The following TDRD10 variants were observed in gnomAD, a reference collection of about 807,000 sequenced individuals.
TDRD10 encodes tudor domain-containing protein 10.
In TDRD10, 40 loss-of-function variants were observed where a neutral mutation model predicts 48.0. That is an observed-to-expected ratio of 0.83 (90% confidence interval 0.65 to 1.09). The LOEUF is 1.09. Ranked by LOEUF, TDRD10 falls within the 50% of genes least tolerant of loss-of-function variation. TDRD10 has a pLI of 0.00. For synonymous variants in TDRD10, 162 were observed against 170.4 expected (o/e 0.95, Z 0.38); for missense variants, 378 against 434.7 (o/e 0.87, Z 1.16).
At chr1:154,520,811 C>T (rs1467444000) in intron 5 of TDRD10, among the ~76,000 whole-genome samples, 1 of 151,074 alleles carries the variant, frequency 6.6e-6, no homozygotes, top group Non-Finnish European at 1.5e-5. Flanking sequence ...AGTCTCGGCT[C>T]ACTGCAACTT....
intron 6 of TDRD10, among the ~76,000 whole-genome samples, chr1:154,537,399 T>G (rs1435018191): frequency 1.3e-5 from 2 of 152,246 alleles, no homozygotes; most frequent in African/African-American, 4.8e-5. Context: ...GTCTTTCATC[T>G]TTGTCTTTTT....
At position 154,506,900 on chromosome 1, in the gene TDRD10, C is replaced by T. The variant is rs753817828; in HGVS notation, c.-4C>T. On this transcript the variant is annotated 5_prime_UTR_variant, in exon 2 of 13. Transcript: ENST00000368482. Reference sequence around the variant, plus strand: ...AGGAGATCCTGTTGGAAAGCAACTGCAGCATGTAAGTCCCTTCCTTTTGCT... The same window carrying T: ...AGGAGATCCTGTTGGAAAGCAACTGTAGCATGTAAGTCCCTTCCTTTTGCT... 2 of 1,614,182 alleles carry T rather than the reference C, an allele frequency of 1.2e-6. No individual in the cohort carries two copies. The highest frequency in any genetic ancestry group is 4.5e-5 in the East Asian group (2 of 44,884).
intron 4 of TDRD10, among the ~76,000 whole-genome samples, chr1:154,519,140 A>T (rs1239366974): frequency 6.6e-6 from 1 of 152,240 alleles, no homozygotes; most frequent in African/African-American, 2.4e-5. Flanking sequence ...GGAATAAAGG[A>T]TATGAAAGTG....
chr1:154,518,128 A>G (rs181109343), intron 4 of TDRD10, among the ~76,000 whole-genome samples: 2 of 152,290 alleles, frequency 1.3e-5, no homozygotes, highest in East Asian at 3.9e-4. Flanking sequence ...CCCTTAAACC[A>G]TGTGGTTGGC....
chr1:154,515,070 A>G (rs908754773), intron 4 of TDRD10, among the ~76,000 whole-genome samples: 5 of 151,652 alleles, frequency 3.3e-5, no homozygotes, highest in Admixed American at 6.6e-5. Flanking sequence ...GCTTCACCAT[A>G]TTGGCCATGC....
intron 4 of TDRD10, among the ~76,000 whole-genome samples, chr1:154,519,729 T>C (rs1462817896): frequency 1.4e-5 from 2 of 146,656 alleles, no homozygotes; most frequent in African/African-American, 5.0e-5. Context: ...CAGGGTGGCA[T>C]AGACCTTATC....
intron 4 of TDRD10, among the ~76,000 whole-genome samples, chr1:154,519,832 T>A (rs578185219): frequency 6.6e-6 from 1 of 151,890 alleles, no homozygotes; most frequent in African/African-American, 2.4e-5. Flanking sequence ...GAAGACGGCC[T>A]GAGGGCAGAC....
intron 6 of TDRD10, among the ~76,000 whole-genome samples, chr1:154,540,022 G>A (rs147387172): frequency 3.9e-5 from 6 of 152,286 alleles, no homozygotes; most frequent in Middle Eastern, 3.4e-3. Context: ...CTGGGAAGGG[G>A]CATCCATTGG....
rs762073055 is a variant in TDRD10 at position 154,547,434 on chromosome 1, C to A, written c.978C>A (p.Val326=). The stretch of plus-strand genomic sequence containing the variant: ...ACATTTTGAGTTCGTATGAGGTTGT[C>A]CATCGAATCCTCAAAGGGAAAATCA... The part of the protein sequence containing the change: ...EKDILSSYEV[V]HRILKGKITG... The change falls in exon 12 of 13, where the codon GTC becomes GTA. Residue 326 remains valine (V), a synonymous_variant. Coordinates refer to ENST00000368482, the MANE Select transcript of TDRD10 (RefSeq NM_182499.4). 3.1e-6 allele frequency: 5 copies of A among 1,614,086 alleles called. No homozygotes were observed. Among genetic ancestry groups the A allele is most frequent in the Non-Finnish European group, 4.2e-6 (5 of 1,180,052 alleles).
intron 3 of TDRD10, among the ~76,000 whole-genome samples, chr1:154,508,129 C>A (rs1693251169): frequency 6.6e-6 from 1 of 152,114 alleles, no homozygotes; most frequent in Non-Finnish European, 1.5e-5. Context: ...ATAAGTATTG[C>A]TGAATGATTG....
chr1:154,507,815 C>A (rs1398269866), intron 3 of TDRD10, among the ~76,000 whole-genome samples: 1 of 152,194 alleles, frequency 6.6e-6, no homozygotes, highest in African/African-American at 2.4e-5. Context: ...TGGCTATGAG[C>A]AATTTCCCAA....
intron 6 of TDRD10, among the ~76,000 whole-genome samples, chr1:154,538,056 G>T (rs1422803968): frequency 6.6e-6 from 1 of 152,178 alleles, no homozygotes; most frequent in East Asian, 1.9e-4. Flanking sequence ...GCCTGCTGTG[G>T]CTGTTGGATG....
At chr1:154,547,628 TGGCTCGGGTG>T (rs1381413470) in intron 12 of TDRD10, 40 bp from the exon 13 acceptor site, 1 of 1,614,242 alleles carries the variant, frequency 6.2e-7, no homozygotes, top group Non-Finnish European at 8.5e-7. Flanking sequence ...TTGGGTGAAC[TGGCTCGGGTG>T]GGCCTTCCTT....
At chr1:154,521,096 A>G (rs1272683953) in intron 5 of TDRD10, among the ~76,000 whole-genome samples, 2 of 152,196 alleles carry the variant, frequency 1.3e-5, no homozygotes, top group Non-Finnish European at 2.9e-5. Flanking sequence ...TACGATGCAT[A>G]GTGAAAGTCA....
At chr1:154,509,607 T>C (rs902969178) in intron 4 of TDRD10, among the ~76,000 whole-genome samples, 2 of 152,132 alleles carry the variant, frequency 1.3e-5, no homozygotes, top group African/African-American at 2.4e-5. Flanking sequence ...CGATAAGATA[T>C]GGAAATAACT....
intron 5 of TDRD10, 81 bp downstream of exon 5, chr1:154,520,455 A>G: frequency 9.1e-7 from 1 of 1,103,556 alleles, no homozygotes; most frequent in Admixed American, 1.7e-5. Context: ...CTCATGTTGC[A>G]GACTAGCCCA....
intron 6 of TDRD10, among the ~76,000 whole-genome samples, chr1:154,538,985 G>T (rs376172067): frequency 6.6e-6 from 1 of 152,156 alleles, no homozygotes; most frequent in Admixed American, 6.5e-5. Flanking sequence ...TTGTTTTACC[G>T]TATGAACTCA....
intron 4 of TDRD10, among the ~76,000 whole-genome samples, chr1:154,517,041 A>G (rs1693807640): frequency 6.6e-6 from 1 of 152,174 alleles, no homozygotes; most frequent in Non-Finnish European, 1.5e-5. Context: ...GAGGGTGGAA[A>G]GTGGTGGAGC....
At chr1:154,503,515 G>A (rs1348007859) in intron 1 of TDRD10, among the ~76,000 whole-genome samples, 1 of 152,178 alleles carries the variant, frequency 6.6e-6, no homozygotes, top group African/African-American at 2.4e-5. Context: ...TTGAACCCGG[G>A]AGGCGCAGGT....
Sources: allele counts gnomAD v4.1 joint callset (sites outside exome capture counted in the v4.1 genomes callset), GRCh38; gene constraint gnomAD v4.1.1; transcripts MANE v1.5; gene names NCBI Gene and HGNC (gene_info 2026-07-23, HGNC 2026-07-21).